GGH: variants seen among roughly 807,000 people sequenced by gnomAD.
GGH encodes the protein gamma-Glu-X carboxypeptidase.
Under a neutral mutation model 39.2 loss-of-function variants are expected in GGH, and 18 were observed. The ratio of observed to expected loss-of-function variants is 0.46; its 90% confidence interval spans 0.32 to 0.68. The LOEUF (loss-of-function observed/expected upper bound fraction) is 0.68, where lower values mean the gene tolerates loss of function less well. GGH is among the 30% of genes least tolerant of loss of function. GGH has a pLI of 0.04. For synonymous variants in GGH, 147 were observed against 138.8 expected (o/e 1.06, Z -0.42); for missense variants, 367 against 384.1 (o/e 0.96, Z 0.37).
At chr8:63,021,933 G>T (rs1423998882) in intron 7 of GGH, among the ~76,000 whole-genome samples, 4 of 151,878 alleles carry the variant, frequency 2.6e-5, no homozygotes, top group Admixed American at 1.3e-4. Flanking sequence ...CTTGGTCTCT[G>T]AAAGTGCTGG....
rs1422121118 is a variant in GGH at position 63,023,977 on chromosome 8, CTT to C, written c.625_626del (p.Lys209ValfsTer17). 6.3e-7 allele frequency: 1 copy of C among 1,588,798 alleles called. No individual in the cohort carries two copies. The highest frequency in any genetic ancestry group is 1.1e-5 in the South Asian group (1 of 87,662). ...LSVKNFTMNE[K>X]LKKFFNVLTT... ...TTAAGACATTGAAAAACTTCTTTAACTTTTCATTCATTGTAAAATTCTAGAAT... is the reference window on the plus strand; with the variant it reads ...TTAAGACATTGAAAAACTTCTTTAACTTCATTCATTGTAAAATTCTAGAAT... On this transcript the variant is annotated frameshift_variant, in exon 7 of 9. Coordinates refer to ENST00000260118, the MANE Select transcript of GGH (RefSeq NM_003878.3). LOFTEE classifies it high-confidence loss of function.
chr8:63,033,628 A>ATTTTTATAAT (rs58989110), intron 2 of GGH, among the ~76,000 whole-genome samples: 1 of 151,784 alleles, frequency 6.6e-6, no homozygotes, highest in Admixed American at 6.6e-5. Flanking sequence ...ATTTTTTATA[A>ATTTTTATAAT]TTTTAACTTT....
intron 1 of GGH, among the ~76,000 whole-genome samples, chr8:63,036,087 C>G (rs1357577499): frequency 6.6e-6 from 1 of 152,198 alleles, no homozygotes; most frequent in Non-Finnish European, 1.5e-5. Context: ...ATTTACAAGG[C>G]TGTCACTCCT....
chr8:63,036,280 C>G (rs73270509), intron 1 of GGH, among the ~76,000 whole-genome samples: 14 of 152,160 alleles, frequency 9.2e-5, no homozygotes, highest in Admixed American at 2.0e-4. Flanking sequence ...AGAAACCCCC[C>G]CAAGCTCCAA....
At chr8:63,034,068 C>T (rs1161755451) in intron 2 of GGH, among the ~76,000 whole-genome samples, 1 of 147,000 alleles carries the variant, frequency 6.8e-6, no homozygotes, top group Non-Finnish European at 1.5e-5. Flanking sequence ...ATCTCCCATC[C>T]ACACGGTCAG....
intron 1 of GGH, among the ~76,000 whole-genome samples, chr8:63,037,466 C>T (rs2129688950): frequency 6.6e-6 from 1 of 152,306 alleles, no homozygotes; most frequent in Middle Eastern, 3.4e-3. Context: ...AGAGCTCAAG[C>T]TGTTCTCCCT....
intron 7 of GGH, among the ~76,000 whole-genome samples, chr8:63,023,198 G>T (rs1044786245): frequency 1.2e-4 from 18 of 152,130 alleles, no homozygotes; most frequent in African/African-American, 4.3e-4. Context: ...ACTTACTTAA[G>T]ATTTGTCCAA....
In GGH at chr8:63,020,630, G is replaced by C. The variant is rs561689952; in HGVS notation, c.698-3000C>G. The stretch of plus-strand genomic sequence containing the variant: ...AAGAGTTCATCAGGAGAAAGGAATA[G>C]GGGAAAGGGGGAGCTTTTCAGAGAA... On this transcript the variant is annotated intron_variant, in intron 7 of 8. Coordinates refer to ENST00000260118, the MANE Select transcript of GGH (RefSeq NM_003878.3). 3.2e-4 allele frequency among the ~76,000 whole-genome samples: 49 copies of C among 152,310 alleles called. 1 individual carries two copies. Among genetic ancestry groups the C allele is most frequent in the African/African-American group, 1.2e-3 (48 of 41,568 alleles).
intron 7 of GGH, among the ~76,000 whole-genome samples, chr8:63,023,323 G>A (rs1171970021): frequency 6.6e-6 from 1 of 152,086 alleles, no homozygotes; most frequent in Non-Finnish European, 1.5e-5. Flanking sequence ...CTCAGGATGG[G>A]CAATTCTCCT....
chr8:63,023,747 T>C lies in GGH; in HGVS notation c.697+160A>G, dbSNP rs56118167. The C allele has an allele frequency of 7.8e-3, 3,533 of 451,304 alleles. 112 individuals are homozygous for C. The highest frequency in any genetic ancestry group is 0.064 in the African/African-American group (3,135 of 49,158). 28.0% of individuals were successfully genotyped at this position (451,304 alleles called of 1,614,324 possible). On this transcript the variant is annotated intron_variant, in intron 7 of 8. Transcript: ENST00000260118. ...GGAAAATACCCAGGAAAACTGCAAT[T>C]AATTTGAAACATGGACAAAACATGT...
Position 63,026,283 on chromosome 8 carries a change from C to T in GGH, c.374G>A (p.Gly125Glu), listed in dbSNP as rs753953738. 15 of 1,601,366 alleles carry T rather than the reference C, an allele frequency of 9.4e-6. No homozygotes were observed. The highest frequency in any genetic ancestry group is 1.3e-5 in the Non-Finnish European group (15 of 1,175,436). ...YNLSIQSFDD[G>E]DYFPVWGTCL... ...TGTGCCCCACACAGGAAAATAGTCT[C>T]CATCATCAAAACTCTTTGCAAGTGG... is the stretch of plus-strand genomic sequence containing the variant. The change falls in exon 5 of 9, where the codon GGA becomes GAA. Residue 125 changes from glycine (G) to glutamate (E), a missense_variant. Coordinates refer to ENST00000260118, the MANE Select transcript of GGH (RefSeq NM_003878.3).
intron 5 of GGH, 69 bp downstream of exon 5, chr8:63,026,088 CT>C: frequency 8.1e-7 from 1 of 1,237,048 alleles, no homozygotes; most frequent in Non-Finnish European, 1.1e-6. Flanking sequence ...AGCACTTTTA[CT>C]TTCATATTTG....
In GGH at chr8:63,015,301, C is replaced by A; in HGVS notation, c.*31G>T. On this transcript the variant is annotated 3_prime_UTR_variant, in exon 9 of 9. Transcript: ENST00000260118. ...CTAACAGTTTAATCATGGAATTATT[C>A]AAATTTGCTCTGTTAACAAATTGAA... 1 of 1,161,412 alleles carries A rather than the reference C, an allele frequency of 8.6e-7. No individual in the cohort carries two copies. Among genetic ancestry groups the A allele is most frequent in the South Asian group, 1.4e-5 (1 of 72,430 alleles). 71.9% of individuals were successfully genotyped at this position (1,161,412 alleles called of 1,614,324 possible).
At chr8:63,027,789 G>A (rs1168362409) in intron 3 of GGH, among the ~76,000 whole-genome samples, 4 of 151,784 alleles carry the variant, frequency 2.6e-5, no homozygotes, top group East Asian at 1.9e-4. Context: ...TCAGAAACAC[G>A]CACAGTATTA....
In GGH at chr8:63,027,297, G is replaced by A. The variant is rs1804705173; in HGVS notation, c.276-32C>T. ...CAACGTTACATAAATCAAATAGGGT[G>A]TATTTTGCCACCCCCGACCCATACA... On this transcript the variant is annotated intron_variant, in intron 3 of 8. Coordinates refer to ENST00000260118, the MANE Select transcript of GGH (RefSeq NM_003878.3). The A allele has an allele frequency of 3.3e-6, 4 of 1,206,078 alleles. No homozygotes were observed. In the South Asian group the frequency reaches 3.6e-5, roughly 11 times the overall value. The allele number at this position is 1,206,078 out of a possible 1,614,324, so 74.7% of individuals were successfully genotyped here. A position where few individuals can be genotyped will look rare whatever the true frequency, so the allele number is the denominator to read the frequency against.
At chr8:63,038,606 A>T in intron 1 of GGH, 54 bp downstream of exon 1, 1 of 568,392 alleles carries the variant, frequency 1.8e-6, no homozygotes. Context: ...GGAGGCGCCC[A>T]GCGCCAACAC....
chr8:63,038,524 C>G (rs1804953256), intron 1 of GGH, 136 bp downstream of exon 1: 1 of 462,794 alleles, frequency 2.2e-6, no homozygotes, highest in Admixed American at 3.9e-5. Context: ...GCCCGGGTTC[C>G]TCCTTGCACC....
intron 1 of GGH, among the ~76,000 whole-genome samples, chr8:63,038,332 T>C (rs187276102): frequency 3.9e-4 from 59 of 152,322 alleles, no homozygotes; most frequent in African/African-American, 1.3e-3. Context: ...ACTTCCCAAC[T>C]ATGTGCGAAA....
At chr8:63,026,953 A>C in intron 4 of GGH, 1 of 524,234 alleles carries the variant, frequency 1.9e-6, no homozygotes, top group Non-Finnish European at 3.3e-6. Flanking sequence ...AACAAGCATC[A>C]AGAGAGGGGC....
Sources: gnomAD v4.1 joint callset for allele counts (sites outside exome capture counted in the v4.1 genomes callset) on GRCh38, gnomAD v4.1.1 for gene constraint, MANE v1.5 for transcripts, NCBI Gene and HGNC (gene_info 2026-07-23, HGNC 2026-07-21) for gene names.